Variants in CDK17 observed in about 807,000 individuals in gnomAD.
CDK17 encodes cyclin dependent kinase 17.
Under a neutral mutation model 77.6 loss-of-function variants are expected in CDK17, and 24 were observed. The observed-to-expected ratio is 0.31, with a 90% confidence interval of 0.22 to 0.44. CDK17 has a LOEUF of 0.44. Among genes scored for constraint, CDK17 ranks in the 20% least tolerant of loss-of-function variants. The pLI is 1.00. For missense variants in CDK17, 429 were observed against 622.5 expected (o/e 0.69, Z 3.31); for synonymous variants, 203 against 210.4 (o/e 0.96, Z 0.30).
intron 1 of CDK17, among the ~76,000 whole-genome samples, chr12:96,392,880 C>A (rs115185539): frequency 0.013 from 1,946 of 152,278 alleles, 36 homozygotes; most frequent in African/African-American, 0.044. Flanking sequence ...ACAGAATACT[C>A]AGACAACCAA....
At chr12:96,360,430 C>G (rs1359347593) in intron 1 of CDK17, among the ~76,000 whole-genome samples, 1 of 152,190 alleles carries the variant, frequency 6.6e-6, no homozygotes, top group Non-Finnish European at 1.5e-5. Flanking sequence ...AAAACCTAAT[C>G]AAGCCTCAGG....
intron 3 of CDK17, among the ~76,000 whole-genome samples, chr12:96,315,023 GA>G (rs1257434334): frequency 2.6e-5 from 4 of 152,112 alleles, no homozygotes; most frequent in Non-Finnish European, 4.4e-5. Context: ...TCTATTTCCA[GA>G]ACTTAACCAA....
chr12:96,292,102 C>T (rs1394319216), intron 10 of CDK17, among the ~76,000 whole-genome samples: 1 of 152,036 alleles, frequency 6.6e-6, no homozygotes, highest in African/African-American at 2.4e-5. Context: ...ATGTAAATAG[C>T]ATATAATTTG....
At chr12:96,297,145 T>C in intron 9 of CDK17, 125 bp downstream of exon 9, 1 of 568,242 alleles carries the variant, frequency 1.8e-6, no homozygotes, top group Non-Finnish European at 3.1e-6. Context: ...CAGAGGACAA[T>C]AACCTATTTA....
chr12:96,318,169 CT>C (rs1277102115), intron 3 of CDK17, among the ~76,000 whole-genome samples: 1 of 150,284 alleles, frequency 6.7e-6, no homozygotes, highest in Admixed American at 6.6e-5. Flanking sequence ...ATAAAACAGA[CT>C]TTAAACCAAC....
intron 1 of CDK17, among the ~76,000 whole-genome samples, chr12:96,386,489 C>A (rs1017895592): frequency 5.9e-5 from 9 of 151,992 alleles, no homozygotes; most frequent in Non-Finnish European, 1.0e-4. Context: ...TCTCTACTCT[C>A]CACAAAAATC....
Position 96,297,313 on chromosome 12 carries a change from T to C in CDK17, c.830A>G (p.Tyr277Cys). The change falls in exon 9 of 17, where the codon TAC becomes TGC. Residue 277 changes from tyrosine (Y) to cysteine (C), a missense_variant. Tyr to Cys is a radical substitution (Grantham distance 194, BLOSUM62 -2). Transcript: ENST00000261211. ...CATGATGTTTCCACAGTCATCCATGTACTGTTTCAGGTCTTTATCCTGGAA... is the reference window on the plus strand; with the variant it reads ...CATGATGTTTCCACAGTCATCCATGCACTGTTTCAGGTCTTTATCCTGGAA... ...FEYLDKDLKQ[Y>C]MDDCGNIMSM... is the part of the protein sequence containing the mutation. 6.2e-7 allele frequency: 1 copy of C among 1,610,170 alleles called. No homozygotes were observed. Among genetic ancestry groups the C allele is most frequent in the Non-Finnish European group, 8.5e-7 (1 of 1,177,054 alleles).
chr12:96,280,460 C>G lies in CDK17; in HGVS notation c.1535-181G>C, dbSNP rs929216186. The G allele has an allele frequency of 6.6e-5, 93 of 1,418,168 alleles. No homozygotes were observed. The East Asian group carries it at 2.3e-3, about 36-fold the overall frequency. 87.8% of individuals were successfully genotyped at this position (1,418,168 alleles called of 1,614,324 possible). On this transcript the variant is annotated intron_variant, in intron 16 of 16. Coordinates refer to ENST00000261211, the MANE Select transcript of CDK17 (RefSeq NM_002595.5). ...GGGTCAGTCTACAGCTTCTATGCTT[C>G]GAAGTGATGAACCTGATGACTAGGG...
chr12:96,301,256 AAAAC>A (rs1197943218), intron 5 of CDK17, among the ~76,000 whole-genome samples: 3 of 112,484 alleles, frequency 2.7e-5, no homozygotes, highest in African/African-American at 3.1e-5. Context: ...AAAAAAAAAA[AAAAC>A]AAACAAACCC....
chr12:96,374,761 C>A (rs560609519), intron 1 of CDK17, among the ~76,000 whole-genome samples: 55 of 152,276 alleles, frequency 3.6e-4, no homozygotes, highest in African/African-American at 1.3e-3. Flanking sequence ...AAGCAGTAAG[C>A]TTTCAAGCAA....
chr12:96,323,557 A>T (rs893159337), intron 3 of CDK17, among the ~76,000 whole-genome samples: 11 of 152,362 alleles, frequency 7.2e-5, no homozygotes, highest in Middle Eastern at 6.8e-3. Flanking sequence ...GGATATTTAA[A>T]GACATAATGA....
chr12:96,319,493 C>A (rs1418293332), intron 3 of CDK17, among the ~76,000 whole-genome samples: 2 of 131,932 alleles, frequency 1.5e-5, no homozygotes, highest in East Asian at 4.4e-4. Flanking sequence ...AGAGACACAA[C>A]CAAAAAAGAG....
At chr12:96,312,749 A>C (rs1592720621) in intron 4 of CDK17, among the ~76,000 whole-genome samples, 1 of 152,326 alleles carries the variant, frequency 6.6e-6, no homozygotes, top group Admixed American at 6.5e-5. Context: ...AGGTTATACC[A>C]CAACACTTAC....
chr12:96,314,436 C>T (rs1007792128), intron 3 of CDK17, among the ~76,000 whole-genome samples: 2 of 152,000 alleles, frequency 1.3e-5, no homozygotes, highest in Admixed American at 1.3e-4. Flanking sequence ...GAACTTGTAG[C>T]CATTTATGCC....
chr12:96,315,823 T>C (rs748627970), intron 3 of CDK17, among the ~76,000 whole-genome samples: 8 of 151,910 alleles, frequency 5.3e-5, no homozygotes, highest in Non-Finnish European at 7.4e-5. Flanking sequence ...ACCTTCCACA[T>C]TGGGATAAAA....
intron 1 of CDK17, among the ~76,000 whole-genome samples, chr12:96,370,998 A>G (rs577733841): frequency 2.0e-5 from 3 of 152,100 alleles, no homozygotes; most frequent in Admixed American, 6.6e-5. Context: ...CAGATCTTCT[A>G]AATTGGTTTA....
At chr12:96,398,428 C>T (rs1363784077) in intron 1 of CDK17, among the ~76,000 whole-genome samples, 1 of 152,212 alleles carries the variant, frequency 6.6e-6, no homozygotes, top group Non-Finnish European at 1.5e-5. Context: ...TATATTACCA[C>T]TAGCAAATTT....
chr12:96,346,798 C>A (rs1953217963), intron 1 of CDK17, among the ~76,000 whole-genome samples: 3 of 151,726 alleles, frequency 2.0e-5, no homozygotes, highest in Non-Finnish European at 4.4e-5. Context: ...GCCTGTAGTC[C>A]CAGCTACTCA....
In CDK17 at chr12:96,366,754, T is replaced by C. The variant is rs1490720514; in HGVS notation, c.-29-31889A>G. Among the ~76,000 whole-genome samples, 28 of 152,186 alleles carry C rather than the reference T, an allele frequency of 1.8e-4. 1 individual carries two copies. Among genetic ancestry groups the C allele is most frequent in the Admixed American group, 1.8e-3 (28 of 15,272 alleles). On this transcript the variant is annotated intron_variant, in intron 1 of 16. Transcript: ENST00000261211. ...TCTTATAAGGATTTAACCAAGATTA[T>C]AGATAGCTCAATACCATCAATTATC...
Sources: gnomAD v4.1 joint callset for allele counts (sites outside exome capture counted in the v4.1 genomes callset) on GRCh38, gnomAD v4.1.1 for gene constraint, MANE v1.5 for transcripts, NCBI Gene and HGNC (gene_info 2026-07-23, HGNC 2026-07-21) for gene names.